The following CANX variants were observed in gnomAD, a reference collection of about 807,000 sequenced individuals.
The protein encoded by CANX is calnexin.
CANX carries 14 observed loss-of-function variants against 75.7 expected under a neutral mutation model. The observed-to-expected ratio is 0.19, with a 90% CI of 0.12 to 0.29. The LOEUF is 0.29. Among genes scored for constraint, CANX ranks in the 10% least tolerant of loss-of-function variants. The pLI is 1.00. For missense variants in CANX, 567 were observed against 713.2 expected, an observed-to-expected ratio of 0.79 and a Z score of 2.34; for synonymous variants, 227 against 236.9, an observed-to-expected ratio of 0.96 and a Z score of 0.38.
At position 179,730,369 on chromosome 5, in the gene CANX, G is replaced by T. The variant is rs1778922692; in HGVS notation, c.*1725G>T. The T allele has an allele frequency of 6.6e-6, 1 of 151,906 alleles. No individual in the cohort carries two copies. Among genetic ancestry groups the T allele is most frequent in the East Asian group, 1.9e-4 (1 of 5,192 alleles). The allele number at this position is 151,906 out of a possible 1,614,324, so 9.4% of individuals were successfully genotyped here. On this transcript the variant is annotated 3_prime_UTR_variant, in exon 15 of 15. Coordinates refer to ENST00000247461, the MANE Select transcript of CANX (RefSeq NM_001746.4). ...CAGTGCTTTTTCCTTTTCATCTGTT[G>T]TTCTGTGGTCACAGTGACCTTAGCT...
intron 1 of CANX, among the ~76,000 whole-genome samples, 153 bp downstream of exon 1, chr5:179,699,255 C>T (rs998776360): frequency 8.5e-5 from 13 of 152,070 alleles, no homozygotes; most frequent in African/African-American, 3.1e-4. Flanking sequence ...CCGCCGTGAG[C>T]GAGGAGGCCC....
chr5:179,700,333 T>A (rs138403987), intron 1 of CANX: 1 of 152,330 alleles, frequency 6.6e-6, no homozygotes, highest in African/African-American at 2.4e-5. Context: ...TAAGTAGATT[T>A]TTTTAAGGGG....
At chr5:179,692,145 G>C (rs1053026640) in intron 1 of CANX, among the ~76,000 whole-genome samples, 2 of 151,302 alleles carry the variant, frequency 1.3e-5, no homozygotes, top group African/African-American at 4.9e-5. Context: ...TGCGATCTCG[G>C]CTCACTGCAA....
intron 1 of CANX, among the ~76,000 whole-genome samples, chr5:179,701,876 A>AC (rs1776789190): frequency 1.4e-5 from 2 of 147,886 alleles, no homozygotes; most frequent in Non-Finnish European, 3.0e-5. Context: ...AGTAGCTGGG[A>AC]CTACAGGTGC....
chr5:179,684,919 A>ATTTTTTTTTTTTTTTTTTTT, intron 1 of CANX, among the ~76,000 whole-genome samples: 1 of 95,262 alleles, frequency 1.0e-5, no homozygotes, highest in African/African-American at 4.3e-5. Context: ...CACCTGGCTA[A>ATTTTTTTTTTTTTTTTTTTT]TTTTGTATTT....
chr5:179,724,620 A>G, intron 12 of CANX, 37 bp from the exon 13 acceptor site: 2 of 1,584,430 alleles, frequency 1.3e-6, no homozygotes, highest in Non-Finnish European at 1.7e-6. Flanking sequence ...TAATACATGA[A>G]CATGTAAACA....
At chr5:179,679,315 TCAAACCGCGAGG>T in intron 1 of CANX, 1 of 1,409,746 alleles carries the variant, frequency 7.1e-7, no homozygotes, top group Non-Finnish European at 9.4e-7. Flanking sequence ...AGGCCGCCTC[TCAAACCGCGAGG>T]CCGGCGGACA....
At chr5:179,692,610 C>T (rs370896324) in intron 1 of CANX, among the ~76,000 whole-genome samples, 13 of 152,190 alleles carry the variant, frequency 8.5e-5, no homozygotes, top group African/African-American at 3.1e-4. Flanking sequence ...TCACTGCAGC[C>T]TCAACCTCCT....
chr5:179,681,637 G>T (rs1776067494), intron 1 of CANX, among the ~76,000 whole-genome samples: 2 of 152,138 alleles, frequency 1.3e-5, no homozygotes, highest in South Asian at 4.1e-4. Context: ...GCAGCTGAGA[G>T]TTACCAGCCA....
Position 179,708,662 on chromosome 5 carries a change from A to C in CANX, c.446+282A>C, listed in dbSNP as rs565833594. On this transcript the variant is annotated intron_variant, in intron 5 of 14. Coordinates refer to ENST00000247461, the MANE Select transcript of CANX (RefSeq NM_001746.4). ...AGTTTTTGTAATTAATTAATTACAA[A>C]ACTAGTAATTAATAGTTTTTCCTGC... Among the ~76,000 whole-genome samples the C allele has an allele frequency of 8.5e-5, 13 of 152,192 alleles. No individual in the cohort carries two copies. In the South Asian group the frequency reaches 2.7e-3, roughly 31 times the overall value.
At chr5:179,681,124 T>C (rs1776053168) in intron 1 of CANX, 1 of 574,882 alleles carries the variant, frequency 1.7e-6, no homozygotes. Flanking sequence ...GAAGGGGTGC[T>C]GACCGCTGAG....
chr5:179,708,177 G>T, intron 4 of CANX, 62 bp from the exon 5 acceptor site: 5 of 1,395,688 alleles, frequency 3.6e-6, no homozygotes, highest in South Asian at 1.2e-5. Flanking sequence ...TGTTTTTTTT[G>T]GCATTTAAAG....
chr5:179,697,591 A>G (rs1749765849), upstream of CANX, among the ~76,000 whole-genome samples: 1 of 152,192 alleles, frequency 6.6e-6, no homozygotes, highest in African/African-American at 2.4e-5. Flanking sequence ...TAGACAGGAA[A>G]CCAAAATTCT....
At chr5:179,680,574 G>A (rs145429362) in intron 1 of CANX, among the ~76,000 whole-genome samples, 2 of 152,176 alleles carry the variant, frequency 1.3e-5, no homozygotes, top group Non-Finnish European at 2.9e-5. Context: ...AAAGTATCAG[G>A]GATTGTGCAC....
chr5:179,721,345 C>T (rs966840736), intron 10 of CANX, among the ~76,000 whole-genome samples: 6 of 152,260 alleles, frequency 3.9e-5, no homozygotes, highest in Admixed American at 3.9e-4. Flanking sequence ...CTGCCTTCGC[C>T]TTTCGAAGTC....
At chr5:179,726,235 C>T (rs573152552) in intron 13 of CANX, among the ~76,000 whole-genome samples, 8 of 151,908 alleles carry the variant, frequency 5.3e-5, no homozygotes, top group Non-Finnish European at 5.9e-5. Flanking sequence ...TGCAGTGAGC[C>T]GAGATCATGC....
exon 1 of CANX, chr5:179,678,658 C>T (rs1033413513): frequency 2.0e-6 from 3 of 1,535,320 alleles, no homozygotes; most frequent in Non-Finnish European, 1.7e-6. Context: ...GCATCTTCCT[C>T]TGCCCGGCGC....
At position 179,682,258 on chromosome 5, in the gene CANX, A is replaced by G. The variant is rs969909526; in HGVS notation, c.-4+3481A>G. Reference sequence around the variant, plus strand: ...CAAGAGCGAAACTCCATCTCAAAAAAAAAAAAAAGGAATGATTAAATTAAT... The same window carrying G: ...CAAGAGCGAAACTCCATCTCAAAAAGAAAAAAAAGGAATGATTAAATTAAT... On this transcript the variant is annotated intron_variant, in intron 1 of 14. Transcript: ENST00000681674. Among the ~76,000 whole-genome samples the G allele has an allele frequency of 2.0e-5, 3 of 151,612 alleles. No individual in the cohort carries two copies. The Admixed American group carries it at 2.0e-4, about 10-fold the overall frequency.
At chr5:179,688,654 C>T (rs534708810) in intron 1 of CANX, among the ~76,000 whole-genome samples, 8 of 151,372 alleles carry the variant, frequency 5.3e-5, no homozygotes, top group South Asian at 4.2e-4. Flanking sequence ...TGAGCCACTG[C>T]GCCCGGCCGC....
Sources: allele counts gnomAD v4.1 joint callset (sites outside exome capture counted in the v4.1 genomes callset), GRCh38; gene constraint gnomAD v4.1.1; transcripts MANE v1.5; gene names NCBI Gene and HGNC (gene_info 2026-07-23, HGNC 2026-07-21).